The following GADL1 variants were observed in gnomAD, a reference collection of about 807,000 sequenced individuals.
GADL1 encodes the protein acidic amino acid decarboxylase GADL1.
A neutral mutation model predicts 69.5 loss-of-function variants in GADL1; 71 were observed. The observed-to-expected ratio is 1.02, with a 90% CI of 0.84 to 1.25. The LOEUF (loss-of-function observed/expected upper bound fraction) is 1.25. Among genes scored for constraint, GADL1 ranks in the 50% most tolerant of loss-of-function variants. The pLI, the probability that GADL1 is intolerant of heterozygous loss-of-function variation, is 0.00. For synonymous variants in GADL1, 254 were observed against 214.4 expected, an observed-to-expected ratio of 1.18 and a Z score of -1.62; for missense variants, 737 against 631.8, an observed-to-expected ratio of 1.17 and a Z score of -1.79.
chr3:30,861,068 C>A (rs1362707759), intron 2 of GADL1, among the ~76,000 whole-genome samples: 1 of 151,908 alleles, frequency 6.6e-6, no homozygotes, highest in African/African-American at 2.4e-5. Flanking sequence ...AATCTACAAC[C>A]AATAATTGGT....
At chr3:30,780,167 C>T (rs1053983485) in intron 13 of GADL1, among the ~76,000 whole-genome samples, 1 of 152,156 alleles carries the variant, frequency 6.6e-6, no homozygotes, top group African/African-American at 2.4e-5. Flanking sequence ...GGCACCTTGC[C>T]TTGGATGACT....
chr3:30,854,693 A>G lies in GADL1; in HGVS notation c.428+6T>C, dbSNP rs1225150348. ...TGGTGTGAAATTTCTATAGCATGGC[A>G]CTTACACACTTGGATTCAATGCTTC... On this transcript the variant is annotated splice_donor_region_variant and intron_variant, in intron 4 of 14. Coordinates refer to ENST00000282538, the MANE Select transcript of GADL1 (RefSeq NM_207359.3). 3 of 1,516,660 alleles carry G rather than the reference A, an allele frequency of 2.0e-6. No homozygotes were observed. The highest frequency in any genetic ancestry group is 1.2e-5 in the South Asian group (1 of 82,872). 94.0% of individuals were successfully genotyped at this position (1,516,660 alleles called of 1,614,324 possible). A position where few individuals can be genotyped will look rare whatever the true frequency, so the allele number is the denominator to read the frequency against.
chr3:30,765,220 A>G (rs181921293), intron 14 of GADL1, among the ~76,000 whole-genome samples: 116 of 152,240 alleles, frequency 7.6e-4, no homozygotes, highest in Non-Finnish European at 1.0e-4. Flanking sequence ...AATTCCCCAC[A>G]TGGATCACCA....
Position 30,844,254 on chromosome 3 carries a change from T to A in GADL1, c.742A>T (p.Ile248Leu). The change falls in exon 8 of 15, where the codon ATA (isoleucine) becomes TTA (leucine). Residue 248 changes from isoleucine to leucine, a missense_variant. Coordinates refer to ENST00000282538, the MANE Select transcript of GADL1 (RefSeq NM_207359.3). ...ACTTGCTTCTCCAGTTCCTCAGGTA[T>A]CATTTTACCTCTAAGGGACAAAGAT... ...FVETDGRGKM[I>L]PEELEKQVWQ... 1 of 1,611,928 alleles carries A rather than the reference T, an allele frequency of 6.2e-7. No individual in the cohort carries two copies. The highest frequency in any genetic ancestry group is 8.5e-7 in the Non-Finnish European group (1 of 1,179,052).
Position 30,753,358 on chromosome 3 carries a change from CTT to C in GADL1, c.1392+24819_1392+24820del, listed in dbSNP as rs550401003. Among the ~76,000 whole-genome samples, 145 of 152,202 alleles carry C rather than the reference CTT, an allele frequency of 9.5e-4. 1 individual carries two copies. Among genetic ancestry groups the C allele is most frequent in the African/African-American group, 3.2e-3 (133 of 41,544 alleles). ...TTTTGAATTCTAGTTTCAAATATGT[CTT>C]TGAAAATATCCATGGCAGGTTTGTG... On this transcript the variant is annotated intron_variant, in intron 14 of 14. Transcript: ENST00000282538.
chr3:30,763,962 C>G, intron 14 of GADL1, among the ~76,000 whole-genome samples: 1 of 152,016 alleles, frequency 6.6e-6, no homozygotes, highest in Non-Finnish European at 1.5e-5. Flanking sequence ...TTCCCATTGA[C>G]TTTTTTCTTA....
At chr3:30,823,238 CAAG>C (rs143202789) in intron 11 of GADL1, among the ~76,000 whole-genome samples, 12,061 of 151,908 alleles carry the variant, frequency 0.079, 1,204 homozygotes, top group African/African-American at 0.23. Context: ...ACAGCCAAGA[CAAG>C]AACCAGAATG....
At chr3:30,762,742 C>T (rs1179236669) in intron 14 of GADL1, among the ~76,000 whole-genome samples, 1 of 152,154 alleles carries the variant, frequency 6.6e-6, no homozygotes, top group Non-Finnish European at 1.5e-5. Context: ...TGCCCACCTC[C>T]CAGACCCCCA....
chr3:30,879,519 G>A (rs1220847041), intron 1 of GADL1, among the ~76,000 whole-genome samples: 2 of 151,864 alleles, frequency 1.3e-5, no homozygotes, highest in African/African-American at 2.4e-5. Context: ...TCTCCTCCAA[G>A]AGAAGCTGAT....
chr3:30,887,316 GC>G (rs1698722672), intron 1 of GADL1, among the ~76,000 whole-genome samples: 1 of 152,184 alleles, frequency 6.6e-6, no homozygotes, highest in African/African-American at 2.4e-5. Flanking sequence ...AAGAGGTGGG[GC>G]CTTTAAGAGG....
chr3:30,854,107 A>G (rs983227552), intron 4 of GADL1, among the ~76,000 whole-genome samples: 11 of 152,126 alleles, frequency 7.2e-5, no homozygotes, highest in African/African-American at 2.7e-4. Context: ...GTGTCCTGCC[A>G]CAGGGCCTTT....
chr3:30,762,936 A>G (rs1037423990), intron 14 of GADL1, among the ~76,000 whole-genome samples: 2 of 152,210 alleles, frequency 1.3e-5, no homozygotes, highest in East Asian at 1.9e-4. Context: ...ATGGTTGACT[A>G]GTATTCCATT....
intron 14 of GADL1, among the ~76,000 whole-genome samples, chr3:30,754,316 C>T (rs1695911097): frequency 6.6e-6 from 1 of 152,108 alleles, no homozygotes; most frequent in African/African-American, 2.4e-5. Flanking sequence ...AACTATAATT[C>T]TGTCAAACTG....
At chr3:30,756,107 C>A (rs1559489059) in intron 14 of GADL1, among the ~76,000 whole-genome samples, 1 of 152,142 alleles carries the variant, frequency 6.6e-6, no homozygotes, top group Non-Finnish European at 1.5e-5. Flanking sequence ...CCAGCAGCAG[C>A]AGAGATGAAA....
intron 1 of GADL1, among the ~76,000 whole-genome samples, chr3:30,881,044 A>C (rs927316612): frequency 6.6e-6 from 1 of 151,916 alleles, no homozygotes; most frequent in Non-Finnish European, 1.5e-5. Context: ...AGGGTTAGAG[A>C]TCAATCACAT....
intron 14 of GADL1, among the ~76,000 whole-genome samples, chr3:30,752,756 C>T (rs1157803918): frequency 1.3e-5 from 2 of 152,088 alleles, no homozygotes; most frequent in African/African-American, 4.8e-5. Context: ...AAGTGGAGTC[C>T]AAAGATTTGT....
intron 14 of GADL1, among the ~76,000 whole-genome samples, chr3:30,745,860 C>T (rs1355777745): frequency 6.6e-6 from 1 of 152,136 alleles, no homozygotes. Flanking sequence ...TAGGCCTCTA[C>T]TTGGAGTTCA....
chr3:30,815,325 T>C (rs1247407725), intron 11 of GADL1, among the ~76,000 whole-genome samples: 7 of 151,906 alleles, frequency 4.6e-5, no homozygotes, highest in African/African-American at 1.7e-4. Context: ...AAGTAGACAG[T>C]TCTCTCTGGT....
At chr3:30,773,231 C>T (rs1696458517) in intron 14 of GADL1, among the ~76,000 whole-genome samples, 1 of 152,064 alleles carries the variant, frequency 6.6e-6, no homozygotes, top group African/African-American at 2.4e-5. Context: ...TAAGGTAATA[C>T]ATGTAGATAA....
Sources: allele counts gnomAD v4.1 joint callset (sites outside exome capture counted in the v4.1 genomes callset), GRCh38; gene constraint gnomAD v4.1.1; transcripts MANE v1.5; gene names NCBI Gene and HGNC (gene_info 2026-07-23, HGNC 2026-07-21).